The following UNC13C variants were observed in gnomAD, a reference collection of about 807,000 sequenced individuals.
UNC13C encodes the protein unc-13 homolog C.
Under a neutral mutation model 245.4 loss-of-function variants are expected in UNC13C, and 174 were observed. That is an observed-to-expected ratio of 0.71 (90% CI 0.63 to 0.80). UNC13C has a LOEUF of 0.80. Ranked by LOEUF, UNC13C falls within the 30% of genes least tolerant of loss-of-function variation. The probability of loss-of-function intolerance (pLI) is 0.00; values close to 1 mark genes in which losing one functional copy is unlikely to be tolerated. For synonymous variants in UNC13C, 992 were observed against 895.1 expected (o/e 1.11, Z -1.93); for missense variants, 2,829 against 2,602.9 (o/e 1.09, Z -1.89).
chr15:54,350,332 C>T (rs2038954368), intron 17 of UNC13C, among the ~76,000 whole-genome samples: 1 of 152,054 alleles, frequency 6.6e-6, no homozygotes, highest in South Asian at 2.1e-4. Context: ...CAATAATAAA[C>T]ATTTTACAAG....
At chr15:53,937,042 T>C in the UNC13C span, among the ~76,000 whole-genome samples, 3 of 152,150 alleles carry the variant, frequency 2.0e-5, no homozygotes, top group African/African-American at 7.2e-5. Flanking sequence ...GATGGCTGAA[T>C]TGACAGAAGT....
intron 29 of UNC13C, among the ~76,000 whole-genome samples, chr15:54,565,843 G>A (rs571317480): frequency 3.9e-5 from 6 of 152,142 alleles, no homozygotes; most frequent in Non-Finnish European, 8.8e-5. Flanking sequence ...ACGCAAATGT[G>A]TATCATAGAC....
intron 4 of UNC13C, among the ~76,000 whole-genome samples, chr15:54,149,849 C>T (rs1021562429): frequency 4.6e-5 from 7 of 152,064 alleles, no homozygotes; most frequent in Non-Finnish European, 1.0e-4. Flanking sequence ...AATACAAGAT[C>T]ACAACTGTTA....
the UNC13C span, among the ~76,000 whole-genome samples, chr15:53,902,202 A>G: frequency 3.3e-5 from 5 of 152,112 alleles, no homozygotes; most frequent in Non-Finnish European, 7.4e-5. Flanking sequence ...TTTCCCTTCT[A>G]GTCCAAATGG....
chr15:54,622,191 T>C, intron 30 of UNC13C, 136 bp from the exon 31 acceptor site: 1 of 608,296 alleles, frequency 1.6e-6, no homozygotes. Flanking sequence ...ATATTTATCA[T>C]CACCTATTAC....
chr15:54,315,944 G>C (rs1255694853), intron 13 of UNC13C, among the ~76,000 whole-genome samples: 1 of 151,676 alleles, frequency 6.6e-6, no homozygotes, highest in Non-Finnish European at 1.5e-5. Context: ...CTCTAGTTCA[G>C]ACATCCATCG....
chr15:54,253,278 C>T (rs1156775833), intron 8 of UNC13C, among the ~76,000 whole-genome samples: 1 of 152,178 alleles, frequency 6.6e-6, no homozygotes, highest in Non-Finnish European at 1.5e-5. Context: ...ATGGTGAAAT[C>T]CAACTCACTG....
At chr15:54,191,147 C>A (rs1002119129) in intron 4 of UNC13C, among the ~76,000 whole-genome samples, 1 of 152,082 alleles carries the variant, frequency 6.6e-6, no homozygotes, top group South Asian at 2.1e-4. Context: ...GTTTGCTGCA[C>A]CCATCAACCC....
intron 30 of UNC13C, among the ~76,000 whole-genome samples, chr15:54,599,758 T>A (rs1361419460): frequency 6.6e-6 from 1 of 152,110 alleles, no homozygotes; most frequent in African/African-American, 2.4e-5. Flanking sequence ...TCTCTGGGTC[T>A]GTGTGAAGCC....
At position 54,106,471 on chromosome 15, in the gene UNC13C, G is replaced by C. The variant is rs191720361; in HGVS notation, c.2984-36547G>C. ...CTCTTAAAAAGTGATTCAGATTTGA[G>C]AGGTTACACAAAATGACTTGCAGTG... On this transcript the variant is annotated intron_variant, in intron 2 of 32. Transcript: ENST00000260323. Among the ~76,000 whole-genome samples the C allele has an allele frequency of 8.5e-5, 13 of 152,270 alleles. No homozygotes were observed. In the East Asian group the frequency reaches 2.5e-3, roughly 29 times the overall value.
chr15:54,441,254 G>A (rs781479857), intron 19 of UNC13C, among the ~76,000 whole-genome samples: 7 of 151,924 alleles, frequency 4.6e-5, no homozygotes, highest in Admixed American at 1.3e-4. Flanking sequence ...CCAATATCCT[G>A]AAGTGTTTTC....
chr15:54,034,235 G>C (rs1896480142), intron 2 of UNC13C, among the ~76,000 whole-genome samples: 1 of 152,168 alleles, frequency 6.6e-6, no homozygotes, highest in African/African-American at 2.4e-5. Flanking sequence ...AGCTCTAGCT[G>C]TAAGTGTGTG....
In UNC13C at chr15:54,300,198, A is replaced by G. The variant is rs1168076555; in HGVS notation, c.4105-12A>G. ...AGGAATCACTGAACAATTAAAAACC[A>G]CTTGCTTTTAGAATCTGTTCCATTA... On this transcript the variant is annotated splice_polypyrimidine_tract_variant and intron_variant, in intron 12 of 32. Coordinates refer to ENST00000260323, the MANE Select transcript of UNC13C (RefSeq NM_001080534.3). 2 of 1,591,844 alleles carry G rather than the reference A, an allele frequency of 1.3e-6. No homozygotes were observed. Among genetic ancestry groups the G allele is most frequent in the Non-Finnish European group, 1.7e-6 (2 of 1,168,272 alleles).
intron 19 of UNC13C, among the ~76,000 whole-genome samples, chr15:54,482,822 A>G (rs559402471): frequency 6.6e-6 from 1 of 152,334 alleles, no homozygotes; most frequent in Admixed American, 6.5e-5. Context: ...TCTGACAAAT[A>G]TCTCATTAAA....
chr15:53,890,769 G>A, the UNC13C span, among the ~76,000 whole-genome samples: 1,756 of 151,986 alleles, frequency 0.012, 16 homozygotes, highest in Non-Finnish European at 0.018. Flanking sequence ...TTCTTTGTTA[G>A]TCTGGCTAGT....
At chr15:54,586,960 A>G (rs971373965) in intron 30 of UNC13C, among the ~76,000 whole-genome samples, 1 of 152,238 alleles carries the variant, frequency 6.6e-6, no homozygotes, top group Non-Finnish European at 1.5e-5. Flanking sequence ...CCATCAATCA[A>G]TATTTACCAA....
rs563229932 is a variant in UNC13C at position 54,619,212 on chromosome 15, G to A, written c.6107-3115G>A. Reference sequence around the variant, plus strand: ...CCTTTCTCCATGTAAATTTTGCTAAGATATCTGTATCTTTCTCCTCACTTA... The same window carrying A: ...CCTTTCTCCATGTAAATTTTGCTAAAATATCTGTATCTTTCTCCTCACTTA... On this transcript the variant is annotated intron_variant, in intron 30 of 32. Coordinates refer to ENST00000260323, the MANE Select transcript of UNC13C (RefSeq NM_001080534.3). Among the ~76,000 whole-genome samples, 40 of 152,114 alleles carry A rather than the reference G, an allele frequency of 2.6e-4. 2 individuals are homozygous for A. In the South Asian group the frequency reaches 7.1e-3, roughly 27 times the overall value.
intron 1 of UNC13C, among the ~76,000 whole-genome samples, chr15:53,994,271 G>C (rs770828951): frequency 1.3e-5 from 2 of 151,470 alleles, no homozygotes; most frequent in Non-Finnish European, 2.9e-5. Flanking sequence ...TATATGGAAC[G>C]TACTCTATCT....
At chr15:53,868,197 A>G in the UNC13C span, among the ~76,000 whole-genome samples, 1 of 152,190 alleles carries the variant, frequency 6.6e-6, no homozygotes, top group Non-Finnish European at 1.5e-5. Flanking sequence ...TCTAATCCCC[A>G]GAAGTTTCTG....
Sources: gnomAD v4.1 joint callset for allele counts (sites outside exome capture counted in the v4.1 genomes callset) on GRCh38, gnomAD v4.1.1 for gene constraint, MANE v1.5 for transcripts, NCBI Gene and HGNC (gene_info 2026-07-23, HGNC 2026-07-21) for gene names.